Variants in MLXIPL observed in about 807,000 individuals in gnomAD.
MLXIPL encodes the protein carbohydrate-responsive element-binding protein.
MLXIPL carries 49 observed loss-of-function variants against 81.5 expected under a neutral mutation model. That is an observed-to-expected ratio of 0.60 (90% CI 0.48 to 0.76). MLXIPL has a LOEUF of 0.76. MLXIPL is among the 30% of genes least tolerant of loss of function. MLXIPL has a pLI of 0.00. For missense variants in MLXIPL, 1,053 were observed against 1,167.0 expected, an observed-to-expected ratio of 0.90 and a Z score of 1.42; for synonymous variants, 466 against 485.5, an observed-to-expected ratio of 0.96 and a Z score of 0.53.
chr7:73,603,359 T>C (rs1202835455), intron 7 of MLXIPL, among the ~76,000 whole-genome samples: 2 of 152,188 alleles, frequency 1.3e-5, no homozygotes, highest in Non-Finnish European at 2.9e-5. Context: ...CTGCTGGTCT[T>C]GCCCAGACCC....
At chr7:73,633,594 C>T in the MLXIPL span, among the ~76,000 whole-genome samples, 1 of 152,158 alleles carries the variant, frequency 6.6e-6, no homozygotes, top group Non-Finnish European at 1.5e-5. Flanking sequence ...ACTGGGATTA[C>T]AGGTGGGAGC....
At chr7:73,608,559 T>A (rs1795477929) in intron 2 of MLXIPL, among the ~76,000 whole-genome samples, 2 of 151,272 alleles carry the variant, frequency 1.3e-5, no homozygotes, top group South Asian at 4.2e-4. Context: ...TCCAGCCTGG[T>A]GACAGAGCAA....
rs1554603168 is a variant in MLXIPL, at chr7:73,624,449, G to A, written c.44C>T (p.Pro15Leu). ...LAGLAAGLQV[P>L]RVAPSPDSDS... Reference sequence around the variant, plus strand: ...CGAGTCTGGGCTGGGCGCGACCCGCGGGACCTGCAAGCCCGCGGCCAGACC... The same window carrying A: ...CGAGTCTGGGCTGGGCGCGACCCGCAGGACCTGCAAGCCCGCGGCCAGACC... The change falls in exon 1 of 17, where the codon CCG becomes CTG. Residue 15 changes from proline (P) to leucine (L), a missense_variant. By Grantham distance (98) the Pro-to-Leu change is moderately conservative (BLOSUM62 -3). Transcript: ENST00000313375. 1 of 1,553,386 alleles carries A rather than the reference G, an allele frequency of 6.4e-7. No individual in the cohort carries two copies. Among genetic ancestry groups the A allele is most frequent in the Admixed American group, 1.9e-5 (1 of 53,636 alleles).
At chr7:73,622,501 A>AT (rs1796447246) in intron 1 of MLXIPL, among the ~76,000 whole-genome samples, 1 of 151,848 alleles carries the variant, frequency 6.6e-6, no homozygotes, top group African/African-American at 2.4e-5. Flanking sequence ...AAAAAAAAAA[A>AT]AAATTTTTTT....
the MLXIPL span, among the ~76,000 whole-genome samples, chr7:73,632,329 G>A: frequency 1.3e-5 from 2 of 151,940 alleles, no homozygotes; most frequent in Non-Finnish European, 2.9e-5. Flanking sequence ...CTGGATTCTG[G>A]TTATATGGGG....
chr7:73,624,743 A>G (rs1045151057), upstream of MLXIPL, among the ~76,000 whole-genome samples: 3 of 152,118 alleles, frequency 2.0e-5, no homozygotes, highest in Non-Finnish European at 2.9e-5. Flanking sequence ...AGCCGCCCCT[A>G]CTTTGCTCCA....
chr7:73,616,226 G>T, intron 1 of MLXIPL, 49 bp from the exon 2 acceptor site: 1 of 1,488,316 alleles, frequency 6.7e-7, no homozygotes, highest in Non-Finnish European at 9.4e-7. Flanking sequence ...TGCTGCCACA[G>T]AGGCTGGTCC....
intron 1 of MLXIPL, among the ~76,000 whole-genome samples, chr7:73,620,964 C>T (rs72649051): frequency 2.4e-4 from 36 of 150,100 alleles, no homozygotes; most frequent in Non-Finnish European, 3.3e-4. Flanking sequence ...ACATGAGAAT[C>T]GCTTGAACTC....
chr7:73,612,155 G>A (rs1795727451), intron 2 of MLXIPL, among the ~76,000 whole-genome samples: 1 of 151,682 alleles, frequency 6.6e-6, no homozygotes, highest in African/African-American at 2.4e-5. Flanking sequence ...GTGAGACCCT[G>A]CCCCTACAAA....
chr7:73,609,318 C>G (rs1554599239), intron 2 of MLXIPL: 1 of 147,460 alleles, frequency 6.8e-6, no homozygotes, highest in Admixed American at 6.9e-5. Context: ...GATCCCAGCT[C>G]ACTGCAACCT....
the MLXIPL span, among the ~76,000 whole-genome samples, chr7:73,640,392 A>G: frequency 1.4e-5 from 2 of 145,226 alleles, no homozygotes; most frequent in South Asian, 2.2e-4. Context: ...ACAGAGCAAG[A>G]CCCTGTCTCC....
the MLXIPL span, among the ~76,000 whole-genome samples, chr7:73,636,517 A>C: frequency 6.6e-6 from 1 of 151,952 alleles, no homozygotes; most frequent in Non-Finnish European, 1.5e-5. Flanking sequence ...GAACCAGAGT[A>C]ATGAGTCATT....
chr7:73,613,364 C>T (rs1445892286), intron 2 of MLXIPL, among the ~76,000 whole-genome samples: 4 of 151,962 alleles, frequency 2.6e-5, no homozygotes, highest in Non-Finnish European at 2.9e-5. Flanking sequence ...TTTGGGAGGC[C>T]GAGGTGGGCA....
chr7:73,602,765 C>A (rs1554596734), intron 7 of MLXIPL, among the ~76,000 whole-genome samples: 1 of 152,184 alleles, frequency 6.6e-6, no homozygotes, highest in Non-Finnish European at 1.5e-5. Context: ...TCACTAGGTC[C>A]CCGAGGCCCT....
intron 15 of MLXIPL, among the ~76,000 whole-genome samples, chr7:73,595,305 G>C (rs1554593264): frequency 6.6e-6 from 1 of 152,128 alleles, no homozygotes; most frequent in Non-Finnish European, 1.5e-5. Context: ...AGCCAGATCA[G>C]GGAGTGGATT....
intron 1 of MLXIPL, among the ~76,000 whole-genome samples, chr7:73,619,828 G>A (rs1563511553): frequency 6.6e-6 from 1 of 151,706 alleles, no homozygotes; most frequent in Non-Finnish European, 1.5e-5. Context: ...TACTCGGGAG[G>A]CTGAGGCAGG....
chr7:73,640,894 C>G, the MLXIPL span, among the ~76,000 whole-genome samples: 1 of 152,012 alleles, frequency 6.6e-6, no homozygotes, highest in Non-Finnish European at 1.5e-5. Flanking sequence ...GGAAAAGGCT[C>G]TCTTTTTGAT....
the MLXIPL span, among the ~76,000 whole-genome samples, chr7:73,634,744 C>T: frequency 2.8e-4 from 43 of 151,262 alleles, no homozygotes; most frequent in Middle Eastern, 3.5e-3. Context: ...ATATTAGGAA[C>T]GAAAAACCCA....
chr7:73,627,309 C>A (rs1796769402), upstream of MLXIPL, among the ~76,000 whole-genome samples: 3 of 148,870 alleles, frequency 2.0e-5, no homozygotes, highest in Admixed American at 2.0e-4. Flanking sequence ...AGTGCAGTGG[C>A]ATGATCTCAG....
Sources: gnomAD v4.1 joint callset for allele counts (sites outside exome capture counted in the v4.1 genomes callset) on GRCh38, gnomAD v4.1.1 for gene constraint, MANE v1.5 for transcripts, NCBI Gene and HGNC (gene_info 2026-07-23, HGNC 2026-07-21) for gene names.